The following DPP6 variants were observed in gnomAD, a reference collection of about 807,000 sequenced individuals.
The protein encoded by DPP6 is A-type potassium channel modulatory protein DPP6.
A neutral mutation model predicts 122.6 loss-of-function variants in DPP6; 69 were observed. The ratio of observed to expected loss-of-function variants is 0.56; its 90% CI spans 0.46 to 0.69. The LOEUF is 0.69. Among genes scored for constraint, DPP6 ranks in the 30% least tolerant of loss-of-function variants. The probability of loss-of-function intolerance (pLI) is 0.00; values close to 1 mark genes in which losing one functional copy is unlikely to be tolerated. For synonymous variants in DPP6, 418 were observed against 433.1 expected (o/e 0.97, Z 0.43); for missense variants, 928 against 1,116.9 (o/e 0.83, Z 2.41).
rs560780921 is a variant in DPP6 at position 154,043,457 on chromosome 7, C to T, written c.51+155723C>T. On this transcript the variant is annotated intron_variant, in intron 1 of 25. Transcript: ENST00000404039. ...AAAAAAGGACCTATTCCAAGATTTT[C>T]ATTAAATGCTCAGATAAGTATACCA... 6.0e-3 allele frequency among the ~76,000 whole-genome samples: 666 copies of T among 111,188 alleles called. 6 individuals are homozygous for T. Among genetic ancestry groups the T allele is most frequent in the African/African-American group, 0.022 (640 of 29,058 alleles). The allele number at this position is 111,188 out of a possible 152,430, so 72.9% of individuals were successfully genotyped here.
chr7:154,314,717 G>A (rs1338575308), intron 1 of DPP6, among the ~76,000 whole-genome samples: 1 of 152,036 alleles, frequency 6.6e-6, no homozygotes, highest in Non-Finnish European at 1.5e-5. Context: ...TCATGCAGCT[G>A]GCAAGCTGCA....
chr7:153,920,563 C>CTTTTTTTTT (rs61553100), intron 1 of DPP6, among the ~76,000 whole-genome samples: 1,360 of 88,574 alleles, frequency 0.015, 75 homozygotes, highest in African/African-American at 0.028. Context: ...TTATCTCTCT[C>CTTTTTTTTT]TTTTTTTTTT....
chr7:154,129,975 C>T (rs868073067), intron 1 of DPP6, among the ~76,000 whole-genome samples: 20 of 151,128 alleles, frequency 1.3e-4, no homozygotes, highest in Admixed American at 1.1e-3. Flanking sequence ...ACTCAGGAGG[C>T]GGAGGCTGGA....
chr7:154,173,037 T>A lies in DPP6; in HGVS notation c.243+119974T>A, dbSNP rs1797616593. ...AGGAAAGAGTAGGCTGCTTTTGCATTTAAAACAATGTTAGGAGTGAATCGC... is the reference window on the plus strand; with the variant it reads ...AGGAAAGAGTAGGCTGCTTTTGCATATAAAACAATGTTAGGAGTGAATCGC... On this transcript the variant is annotated intron_variant, in intron 1 of 25. Coordinates refer to ENST00000377770, the MANE Select transcript of DPP6 (RefSeq NM_130797.4). 2.0e-5 allele frequency among the ~76,000 whole-genome samples: 3 copies of A among 152,204 alleles called. No homozygotes were observed. In the South Asian group the frequency reaches 6.2e-4, roughly 32 times the overall value.
At chr7:154,629,232 C>A (rs920674203) in intron 5 of DPP6, among the ~76,000 whole-genome samples, 4 of 152,150 alleles carry the variant, frequency 2.6e-5, no homozygotes, top group African/African-American at 9.7e-5. Flanking sequence ...TTCAAAATTG[C>A]AAGAAAATAA....
chr7:154,733,182 G>T (rs566583247), intron 8 of DPP6, among the ~76,000 whole-genome samples: 9 of 152,250 alleles, frequency 5.9e-5, no homozygotes, highest in Non-Finnish European at 1.3e-4. Context: ...TGGAGGAAGT[G>T]GGGATGTGGC....
At chr7:154,372,007 G>A (rs1812715743) in intron 1 of DPP6, among the ~76,000 whole-genome samples, 1 of 152,086 alleles carries the variant, frequency 6.6e-6, no homozygotes, top group African/African-American at 2.4e-5. Context: ...GACAGTGTGA[G>A]GGATGTAAAG....
intron 8 of DPP6, among the ~76,000 whole-genome samples, chr7:154,734,624 G>A (rs1382945316): frequency 6.6e-6 from 1 of 152,208 alleles, no homozygotes; most frequent in Non-Finnish European, 1.5e-5. Context: ...TTATTTGCAT[G>A]ATGGGAAATG....
chr7:154,460,824 G>A (rs1457354179), intron 2 of DPP6, among the ~76,000 whole-genome samples: 5 of 151,992 alleles, frequency 3.3e-5, no homozygotes, highest in African/African-American at 1.2e-4. Context: ...ATCCCCTTAA[G>A]CATTTGTCCT....
At chr7:154,623,483 T>C (rs1215940778) in intron 5 of DPP6, among the ~76,000 whole-genome samples, 2 of 152,120 alleles carry the variant, frequency 1.3e-5, no homozygotes, top group African/African-American at 4.8e-5. Context: ...CTTCAAATAA[T>C]AAAAATGTAT....
chr7:153,813,885 C>A, the DPP6 span, among the ~76,000 whole-genome samples: 1 of 151,840 alleles, frequency 6.6e-6, no homozygotes, highest in East Asian at 1.9e-4. Flanking sequence ...TTGTTTTTTT[C>A]TTGTAAATTT....
chr7:154,556,121 A>G (rs1830021859), intron 4 of DPP6, among the ~76,000 whole-genome samples: 1 of 152,216 alleles, frequency 6.6e-6, no homozygotes, highest in African/African-American at 2.4e-5. Context: ...GAACGACGTT[A>G]TATTCAACTC....
chr7:154,160,247 C>T (rs1214347279), intron 1 of DPP6, among the ~76,000 whole-genome samples: 1 of 152,094 alleles, frequency 6.6e-6, no homozygotes, highest in Non-Finnish European at 1.5e-5. Flanking sequence ...TTGAGTTCCT[C>T]CATCCTGAAT....
intron 7 of DPP6, among the ~76,000 whole-genome samples, chr7:154,685,456 G>A (rs972868851): frequency 6.6e-6 from 1 of 152,192 alleles, no homozygotes; most frequent in Non-Finnish European, 1.5e-5. Flanking sequence ...CTGGGCGTCA[G>A]GGTATTTGAA....
chr7:153,799,397 C>T, the DPP6 span, among the ~76,000 whole-genome samples: 4 of 152,120 alleles, frequency 2.6e-5, no homozygotes, highest in Admixed American at 6.5e-5. Flanking sequence ...CTGAGTGGCT[C>T]CTAATCGCCC....
chr7:153,828,166 G>C, the DPP6 span, among the ~76,000 whole-genome samples: 1 of 152,150 alleles, frequency 6.6e-6, no homozygotes, highest in African/African-American at 2.4e-5. Flanking sequence ...AGTGTCATGA[G>C]AGGCCCACTT....
At chr7:153,810,049 C>A in the DPP6 span, among the ~76,000 whole-genome samples, 3 of 152,350 alleles carry the variant, frequency 2.0e-5, no homozygotes, top group South Asian at 6.2e-4. Context: ...CCTGATGAGT[C>A]TTCAGGTCAC....
intron 1 of DPP6, among the ~76,000 whole-genome samples, chr7:154,423,016 TGTTGAAA>T (rs1184088850): frequency 2.0e-5 from 3 of 152,204 alleles, no homozygotes; most frequent in African/African-American, 7.2e-5. Context: ...GTTCTCGGCT[TGTTGAAA>T]GTTCACATCC....
intron 1 of DPP6, among the ~76,000 whole-genome samples, chr7:154,068,014 G>A (rs187625825): frequency 2.0e-5 from 3 of 150,720 alleles, no homozygotes; most frequent in Admixed American, 2.0e-4. Context: ...CTCCCACCTC[G>A]GTCTCCCAAA....
Sources: allele counts gnomAD v4.1 joint callset (sites outside exome capture counted in the v4.1 genomes callset), GRCh38; gene constraint gnomAD v4.1.1; transcripts MANE v1.5; gene names NCBI Gene and HGNC (gene_info 2026-07-23, HGNC 2026-07-21).